Variants in TF observed in about 807,000 individuals in gnomAD.
The protein encoded by TF is transferrin, also known as serotransferrin.
Under a neutral mutation model 82.4 loss-of-function variants are expected in TF, and 55 were observed. The observed-to-expected ratio is 0.67, with a 90% CI of 0.54 to 0.84. The LOEUF is 0.84. Among genes scored for constraint, TF ranks in the 40% least tolerant of loss-of-function variants. The pLI is 0.00. For synonymous variants in TF, 332 were observed against 332.6 expected (o/e 1.00, Z 0.02); for missense variants, 737 against 868.4 (o/e 0.85, Z 1.90).
chr3:133,662,868 T>TTGA, the TF span, among the ~76,000 whole-genome samples: 5 of 152,352 alleles, frequency 3.3e-5, no homozygotes, highest in Non-Finnish European at 5.9e-5. Flanking sequence ...GCCATGTCCC[T>TTGA]TGATTGTTTT....
At position 133,751,254 on chromosome 3, in the gene TF, A is replaced by G. The variant is rs1285084109; in HGVS notation, c.217-2341A>G. On this transcript the variant is annotated intron_variant, in intron 2 of 16. Transcript: ENST00000402696. ...CTTTTTTTTTTTTTTTTTTTTTGAG[A>G]CGGAGTTTCGCTCTGTCGCCCAGGC... 7.3e-5 allele frequency among the ~76,000 whole-genome samples: 9 copies of G among 124,116 alleles called. No individual in the cohort carries two copies. In the Admixed American group the frequency reaches 7.8e-4, roughly 11 times the overall value. The allele number at this position is 124,116 out of a possible 152,430, so 81.4% of individuals were successfully genotyped here.
the TF span, among the ~76,000 whole-genome samples, chr3:133,682,939 AG>A: frequency 1.3e-5 from 2 of 152,216 alleles, no homozygotes; most frequent in African/African-American, 4.8e-5. Context: ...AAAAATGTTG[AG>A]GGCAGCCAGA....
chr3:133,718,385 G>A, the TF span, among the ~76,000 whole-genome samples: 594 of 152,162 alleles, frequency 3.9e-3, 3 homozygotes, highest in African/African-American at 0.013. Flanking sequence ...GTACCTGGAC[G>A]GCAGAAGAGG....
chr3:133,781,377 G>A lies in TF; in HGVS notation c.*2757G>A, dbSNP rs569667302. On this transcript the variant is annotated 3_prime_UTR_variant, in exon 17 of 17. Transcript: ENST00000402696. The stretch of plus-strand genomic sequence containing the variant: ...GGTAAAAGTGGTAAGATAAAATTCA[G>A]TAAAGTGAAAGGAAATATTAAAATA... 4 of 151,894 alleles carry A rather than the reference G, an allele frequency of 2.6e-5. No individual in the cohort carries two copies. The East Asian group carries it at 7.7e-4, about 29-fold the overall frequency. 9.4% of individuals were successfully genotyped at this position (151,894 alleles called of 1,614,324 possible).
the TF span, among the ~76,000 whole-genome samples, chr3:133,703,612 T>C: frequency 6.6e-6 from 1 of 152,208 alleles, no homozygotes; most frequent in African/African-American, 2.4e-5. Context: ...TCACTGTTTT[T>C]AGATTTCTAG....
chr3:133,756,599 T>A (rs1559871090), intron 6 of TF, among the ~76,000 whole-genome samples: 1 of 152,134 alleles, frequency 6.6e-6, no homozygotes, highest in Admixed American at 6.5e-5. Flanking sequence ...GGGTTGGTGC[T>A]GCTAAGATCA....
At position 133,792,667 on chromosome 3, in the gene TF, G is replaced by C. The variant is rs546594603; in HGVS notation, c.*14047G>C. ...ACAGTTTTACATGCAAGTTACGTAAGAAAAGTGAATGCATTTTCAGTGAAA... is the reference window on the plus strand; with the variant it reads ...ACAGTTTTACATGCAAGTTACGTAACAAAAGTGAATGCATTTTCAGTGAAA... On this transcript the variant is annotated 3_prime_UTR_variant, in exon 17 of 17. Transcript: ENST00000402696. 66 of 152,334 alleles carry C rather than the reference G, an allele frequency of 4.3e-4. No individual in the cohort carries two copies. Among genetic ancestry groups the C allele is most frequent in the African/African-American group, 1.5e-3 (62 of 41,596 alleles). The allele number at this position is 152,334 out of a possible 1,614,324, so 9.4% of individuals were successfully genotyped here.
chr3:133,734,293 G>A, the TF span, among the ~76,000 whole-genome samples: 3 of 152,178 alleles, frequency 2.0e-5, no homozygotes, highest in African/African-American at 7.2e-5. Flanking sequence ...CCACTAAAAG[G>A]TTACGTCCGT....
chr3:133,783,904 G>C lies in TF; in HGVS notation c.*5284G>C, dbSNP rs1934576915. The stretch of plus-strand genomic sequence containing the variant: ...GACGAAGCTTCTGCTGAGCCGCCTG[G>C]ACGCAGCGCCCCTGGGTGGCGGCAG... On this transcript the variant is annotated 3_prime_UTR_variant, in exon 17 of 17. Coordinates refer to ENST00000402696, the MANE Select transcript of TF (RefSeq NM_001063.4). 1 of 152,312 alleles carries C rather than the reference G, an allele frequency of 6.6e-6. No individual in the cohort carries two copies. Among genetic ancestry groups the C allele is most frequent in the South Asian group, 2.1e-4 (1 of 4,832 alleles). 9.4% of individuals were successfully genotyped at this position (152,312 alleles called of 1,614,324 possible).
the TF span, among the ~76,000 whole-genome samples, chr3:133,723,059 T>C: frequency 8.0e-6 from 1 of 125,106 alleles, no homozygotes; most frequent in African/African-American, 3.6e-5. Context: ...ATATTCTTGG[T>C]TGACAGTTTT....
chr3:133,763,768 A>T (rs1934054479), intron 9 of TF, among the ~76,000 whole-genome samples: 1 of 152,250 alleles, frequency 6.6e-6, no homozygotes, highest in Non-Finnish European at 1.5e-5. Context: ...GGAGGCTGAC[A>T]TTAGAGGCTA....
At chr3:133,682,220 C>T in the TF span, among the ~76,000 whole-genome samples, 1 of 152,076 alleles carries the variant, frequency 6.6e-6, no homozygotes, top group African/African-American at 2.4e-5. Context: ...CATCAAAGAC[C>T]AAAGGTAGAT....
the TF span, among the ~76,000 whole-genome samples, chr3:133,720,984 T>C: frequency 0.13 from 20,093 of 152,120 alleles, 1,338 homozygotes; most frequent in East Asian, 0.2. Context: ...GAATCTTCTC[T>C]TGTTTTCTTT....
intron 3 of TF, 133 bp from the exon 4 acceptor site, chr3:133,754,361 TC>T (rs559260439): frequency 1.1e-6 from 1 of 871,820 alleles, no homozygotes. Context: ...TTTTCCTGAT[TC>T]CCCACTCCTT....
rs543598789 is a variant in TF, at chr3:133,789,425, A to T, written c.*10805A>T. ...CTTTAAAAATCAAACTGCCATGGAA[A>T]TTGCTTTACCTGAAATAATAGTTCA... On this transcript the variant is annotated 3_prime_UTR_variant, in exon 17 of 17. Transcript: ENST00000402696. The T allele has an allele frequency of 6.6e-6, 1 of 152,316 alleles. No individual in the cohort carries two copies. The highest frequency in any genetic ancestry group is 2.1e-4 in the South Asian group (1 of 4,824). The allele number at this position is 152,316 out of a possible 1,614,324, so 9.4% of individuals were successfully genotyped here. A position where few individuals can be genotyped will look rare whatever the true frequency, so the allele number is the denominator to read the frequency against.
At position 133,748,539 on chromosome 3, in the gene TF, T is replaced by C; in HGVS notation, c.171T>C (p.Ala57=). Residue 57 remains alanine, a synonymous_variant, in exon 2 of 17, where the codon GCT becomes GCC. Coordinates refer to ENST00000402696, the MANE Select transcript of TF (RefSeq NM_001063.4). ...SVIPSDGPSV[A]CVKKASYLDC... is the part of the protein sequence containing the mutation. ...TTCCATCCGATGGTCCCAGTGTTGCTTGTGTGAAGAAAGCCTCCTACCTTG... is the reference window on the plus strand; with the variant it reads ...TTCCATCCGATGGTCCCAGTGTTGCCTGTGTGAAGAAAGCCTCCTACCTTG... The C allele has an allele frequency of 1.2e-6, 2 of 1,614,086 alleles. No homozygotes were observed. The highest frequency in any genetic ancestry group is 1.7e-6 in the Non-Finnish European group (2 of 1,180,018).
At chr3:133,690,598 G>A in the TF span, among the ~76,000 whole-genome samples, 2 of 152,216 alleles carry the variant, frequency 1.3e-5, no homozygotes, top group Non-Finnish European at 2.9e-5. Context: ...TTTGTAATGT[G>A]TGTATGTGTA....
chr3:133,704,170 G>A, the TF span: 2 of 202,134 alleles, frequency 9.9e-6, no homozygotes, highest in Non-Finnish European at 2.1e-5. Context: ...AACCTCTGAG[G>A]GTCAGAGGCC....
chr3:133,704,168 A>T, the TF span: 26 of 200,940 alleles, frequency 1.3e-4, no homozygotes, highest in African/African-American at 5.3e-4. Flanking sequence ...AGAACCTCTG[A>T]GGGTCAGAGG....
Sources: allele counts gnomAD v4.1 joint callset (sites outside exome capture counted in the v4.1 genomes callset), GRCh38; gene constraint gnomAD v4.1.1; transcripts MANE v1.5; gene names NCBI Gene and HGNC (gene_info 2026-07-23, HGNC 2026-07-21).